Variants in BRD10 observed in about 807,000 individuals in gnomAD.
The protein encoded by BRD10 is uncharacterized bromodomain-containing protein 10.
chr9:5,974,653 T>C, the BRD10 span, among the ~76,000 whole-genome samples: 1 of 152,138 alleles, frequency 6.6e-6, no homozygotes, highest in African/African-American at 2.4e-5. Context: ...CAGGACATAG[T>C]ACCTGCACAG....
At chr9:5,974,270 C>T in the BRD10 span, among the ~76,000 whole-genome samples, 3 of 152,110 alleles carry the variant, frequency 2.0e-5, no homozygotes, top group Non-Finnish European at 4.4e-5. Context: ...ACTAGAACTG[C>T]ATAACCAGCT....
the BRD10 span, among the ~76,000 whole-genome samples, chr9:6,001,829 A>C: frequency 6.6e-6 from 1 of 152,206 alleles, no homozygotes; most frequent in Non-Finnish European, 1.5e-5. Context: ...ACGGTAGTAT[A>C]CATCCTCAAA....
the BRD10 span, among the ~76,000 whole-genome samples, chr9:5,895,760 G>A: frequency 6.6e-6 from 1 of 152,232 alleles, no homozygotes; most frequent in African/African-American, 2.4e-5. Flanking sequence ...TCTGCTGCAG[G>A]TGGTATTTGG....
the BRD10 span, among the ~76,000 whole-genome samples, chr9:5,935,696 G>A: frequency 6.6e-6 from 1 of 152,190 alleles, no homozygotes; most frequent in Non-Finnish European, 1.5e-5. Context: ...TGGCATAAGA[G>A]GGGCATAAAA....
the BRD10 span, chr9:5,908,853 G>A: frequency 2.9e-6 from 2 of 681,838 alleles, no homozygotes; most frequent in African/African-American, 1.8e-5. Context: ...TAAAATTTTA[G>A]TAGGTCCGCT....
chr9:5,903,579 G>C, the BRD10 span, among the ~76,000 whole-genome samples: 13 of 152,274 alleles, frequency 8.5e-5, no homozygotes, highest in East Asian at 5.8e-4. Flanking sequence ...TTCTGATAGA[G>C]AGATGTTGAA....
At chr9:5,887,236 G>C in the BRD10 span, among the ~76,000 whole-genome samples, 1 of 152,134 alleles carries the variant, frequency 6.6e-6, no homozygotes. Flanking sequence ...TCCTGCCTGG[G>C]CAACAGAACA....
the BRD10 span, among the ~76,000 whole-genome samples, chr9:5,935,834 C>T: frequency 6.6e-6 from 1 of 152,148 alleles, no homozygotes; most frequent in South Asian, 2.1e-4. Flanking sequence ...TTAAGTGTTC[C>T]ACTACATAAG....
chr9:5,988,420 G>C, the BRD10 span: 6 of 1,613,562 alleles, frequency 3.7e-6, no homozygotes, highest in Middle Eastern at 3.3e-4. Context: ...AACTCCACTT[G>C]TCAAGCCTGC....
chr9:5,997,920 A>G, the BRD10 span, among the ~76,000 whole-genome samples: 7 of 152,344 alleles, frequency 4.6e-5, no homozygotes, highest in East Asian at 1.9e-4. Flanking sequence ...AGTTCAAACT[A>G]TAAGTTACAT....
chr9:5,929,072 T>C, the BRD10 span: 3 of 1,597,274 alleles, frequency 1.9e-6, no homozygotes, highest in South Asian at 1.1e-5. Flanking sequence ...TTCATTAACT[T>C]TGGTTCCCAT....
At chr9:6,008,457 T>G in the BRD10 span, among the ~76,000 whole-genome samples, 10 of 151,546 alleles carry the variant, frequency 6.6e-5, no homozygotes, top group Admixed American at 5.3e-4. Flanking sequence ...AAAGAGGCCC[T>G]GTCGCCATCC....
At chr9:5,984,423 G>C in the BRD10 span, among the ~76,000 whole-genome samples, 1 of 152,054 alleles carries the variant, frequency 6.6e-6, no homozygotes, top group East Asian at 1.9e-4. Flanking sequence ...AAATCCTACA[G>C]AAACTACTTT....
chr9:5,962,255 T>C, the BRD10 span, among the ~76,000 whole-genome samples: 3 of 147,462 alleles, frequency 2.0e-5, no homozygotes, highest in East Asian at 5.9e-4. Flanking sequence ...AAATACAAAC[T>C]ACCATCAGAG....
the BRD10 span, among the ~76,000 whole-genome samples, chr9:5,946,753 C>T: frequency 3.3e-5 from 5 of 152,144 alleles, 1 homozygote; most frequent in African/African-American, 1.2e-4. Flanking sequence ...TGTCTCACTA[C>T]ACAAGGAATA....
the BRD10 span, among the ~76,000 whole-genome samples, chr9:5,969,850 C>A: frequency 6.6e-6 from 1 of 152,134 alleles, no homozygotes; most frequent in Non-Finnish European, 1.5e-5. Context: ...CCAGCCTGCC[C>A]TAGTTTTAAA....
the BRD10 span, among the ~76,000 whole-genome samples, chr9:5,885,183 C>G: frequency 8.5e-5 from 13 of 152,204 alleles, no homozygotes; most frequent in African/African-American, 3.1e-4. Context: ...CCTCTCTGTC[C>G]TGGGTCTCTT....
the BRD10 span, among the ~76,000 whole-genome samples, chr9:5,915,014 C>A: frequency 2.0e-5 from 3 of 152,156 alleles, no homozygotes; most frequent in Middle Eastern, 3.4e-3. Context: ...ACAACAATAA[C>A]CCCCAACTAA....
the BRD10 span, among the ~76,000 whole-genome samples, chr9:5,905,279 G>A: frequency 6.6e-6 from 1 of 152,076 alleles, no homozygotes; most frequent in Non-Finnish European, 1.5e-5. Context: ...CTTCACCAAG[G>A]GGACCCCAGG....
Sources: gnomAD v4.1 joint callset for allele counts (sites outside exome capture counted in the v4.1 genomes callset) on GRCh38, gnomAD v4.1.1 for gene constraint, MANE v1.5 for transcripts, NCBI Gene and HGNC (gene_info 2026-07-23, HGNC 2026-07-21) for gene names.